SLC8A3: variants seen among roughly 807,000 people sequenced by gnomAD.
The protein encoded by SLC8A3 is sodium/calcium exchanger 3.
In SLC8A3, 37 loss-of-function variants were observed where a neutral mutation model predicts 65.4. The observed-to-expected ratio is 0.57, with a 90% CI of 0.44 to 0.74. The LOEUF (loss-of-function observed/expected upper bound fraction) is 0.74. Ranked by LOEUF, SLC8A3 falls within the 30% of genes least tolerant of loss-of-function variation. The pLI is 0.00. For synonymous variants in SLC8A3, 461 were observed against 444.5 expected, an observed-to-expected ratio of 1.04 and a Z score of -0.47; for missense variants, 1,112 against 1,172.1, an observed-to-expected ratio of 0.95 and a Z score of 0.75.
intron 2 of SLC8A3, among the ~76,000 whole-genome samples, chr14:70,130,533 A>G (rs1894755861): frequency 1.3e-5 from 2 of 152,216 alleles, no homozygotes; most frequent in African/African-American, 4.8e-5. Flanking sequence ...CAAGGGGGAT[A>G]CCAATATCCA....
chr14:70,154,856 T>C (rs922776505), intron 2 of SLC8A3, among the ~76,000 whole-genome samples: 1 of 152,060 alleles, frequency 6.6e-6, no homozygotes. Context: ...TTGACACATG[T>C]ATACAAAGTG....
At chr14:70,104,993 A>C (rs1383383207) in intron 2 of SLC8A3, among the ~76,000 whole-genome samples, 1 of 152,218 alleles carries the variant, frequency 6.6e-6, no homozygotes, top group African/African-American at 2.4e-5. Flanking sequence ...AATAGGAAAA[A>C]TTATCAAAGC....
intron 2 of SLC8A3, among the ~76,000 whole-genome samples, chr14:70,089,985 G>A (rs1014259861): frequency 2.0e-5 from 3 of 152,042 alleles, no homozygotes; most frequent in African/African-American, 7.2e-5. Flanking sequence ...TATTTTCATT[G>A]TTTCTGATTT....
chr14:70,166,272 A>G (rs1294422136), intron 2 of SLC8A3, among the ~76,000 whole-genome samples: 1 of 152,200 alleles, frequency 6.6e-6, no homozygotes. Context: ...GGGAGGAAGA[A>G]GAGGCCCAAG....
At chr14:70,132,119 T>C (rs1180403507) in intron 2 of SLC8A3, among the ~76,000 whole-genome samples, 1 of 152,238 alleles carries the variant, frequency 6.6e-6, no homozygotes, top group Non-Finnish European at 1.5e-5. Flanking sequence ...TTCTGTGGCA[T>C]CTGTTTGGTT....
intron 1 of SLC8A3, among the ~76,000 whole-genome samples, chr14:70,180,310 C>T (rs1882636132): frequency 6.6e-6 from 1 of 152,156 alleles, no homozygotes; most frequent in African/African-American, 2.4e-5. Context: ...CATATCATTG[C>T]CTGATTGAAG....
intron 2 of SLC8A3, among the ~76,000 whole-genome samples, chr14:70,074,112 CA>C (rs1300916664): frequency 6.6e-6 from 1 of 152,224 alleles, no homozygotes; most frequent in Non-Finnish European, 1.5e-5. Flanking sequence ...GCTCCAGGCA[CA>C]TAGAAGCCAA....
intron 2 of SLC8A3, among the ~76,000 whole-genome samples, chr14:70,077,543 C>T (rs1890648261): frequency 6.6e-6 from 1 of 152,074 alleles, no homozygotes; most frequent in Non-Finnish European, 1.5e-5. Context: ...GTGGGAGAAC[C>T]AATGGTATCA....
intron 2 of SLC8A3, among the ~76,000 whole-genome samples, chr14:70,124,532 A>G (rs1006164196): frequency 2.6e-5 from 4 of 152,238 alleles, no homozygotes; most frequent in African/African-American, 9.6e-5. Context: ...TTCTACCTGC[A>G]ATCACTTTGT....
At chr14:70,182,996 G>C (rs963135187) in intron 1 of SLC8A3, among the ~76,000 whole-genome samples, 3 of 152,108 alleles carry the variant, frequency 2.0e-5, no homozygotes, top group African/African-American at 7.2e-5. Flanking sequence ...GAGAAATCAG[G>C]GTGCAAAGGA....
At chr14:70,178,392 T>C (rs1233075164) in intron 1 of SLC8A3, among the ~76,000 whole-genome samples, 7 of 152,186 alleles carry the variant, frequency 4.6e-5, no homozygotes, top group Non-Finnish European at 1.5e-5. Flanking sequence ...GAAAGGTATA[T>C]GAGATCAGTA....
intron 2 of SLC8A3, among the ~76,000 whole-genome samples, chr14:70,126,537 A>G (rs1894450968): frequency 7.5e-6 from 1 of 132,502 alleles, no homozygotes; most frequent in Non-Finnish European, 1.7e-5. Flanking sequence ...ATATAAAGGA[A>G]GAAAGAAAAT....
intron 2 of SLC8A3, 33 bp downstream of exon 2, chr14:70,166,606 C>G: frequency 1.6e-6 from 2 of 1,224,688 alleles, no homozygotes; most frequent in Non-Finnish European, 2.3e-6. Context: ...AAGATGGGGT[C>G]AGGGAGGGGC....
intron 2 of SLC8A3, among the ~76,000 whole-genome samples, chr14:70,133,315 CA>C (rs898237363): frequency 6.6e-6 from 1 of 152,198 alleles, no homozygotes; most frequent in Non-Finnish European, 1.5e-5. Flanking sequence ...CTTCACTCAA[CA>C]GGCTGGACAA....
chr14:70,189,252 A>G (rs902843271), upstream of SLC8A3, among the ~76,000 whole-genome samples: 1 of 151,876 alleles, frequency 6.6e-6, no homozygotes, highest in Non-Finnish European at 1.5e-5. Flanking sequence ...TAGTCGTTGG[A>G]GCCTGGCGCC....
At chr14:70,110,998 T>C (rs1233172594) in intron 2 of SLC8A3, among the ~76,000 whole-genome samples, 3 of 152,184 alleles carry the variant, frequency 2.0e-5, no homozygotes, top group Admixed American at 6.5e-5. Context: ...CTCTTTCATA[T>C]ACTGATTTCC....
chr14:70,058,460 T>C (rs1403032784), intron 3 of SLC8A3, among the ~76,000 whole-genome samples: 2 of 152,192 alleles, frequency 1.3e-5, no homozygotes, highest in South Asian at 4.1e-4. Flanking sequence ...CAATTTCTTC[T>C]TGGCACTCTT....
At chr14:70,165,665 A>C (rs921694629) in intron 2 of SLC8A3, among the ~76,000 whole-genome samples, 1 of 152,212 alleles carries the variant, frequency 6.6e-6, no homozygotes, top group Non-Finnish European at 1.5e-5. Context: ...TTTCCCTTTT[A>C]AAGCTATCCA....
chr14:70,134,935 A>G (rs928339015), intron 2 of SLC8A3, among the ~76,000 whole-genome samples: 1 of 152,248 alleles, frequency 6.6e-6, no homozygotes, highest in African/African-American at 2.4e-5. Context: ...TAGTTAAGCT[A>G]TAATTTCATT....
Sources: gnomAD v4.1 joint callset for allele counts (sites outside exome capture counted in the v4.1 genomes callset) on GRCh38, gnomAD v4.1.1 for gene constraint, MANE v1.5 for transcripts, NCBI Gene and HGNC (gene_info 2026-07-23, HGNC 2026-07-21) for gene names.